Variants in CAT observed in about 807,000 individuals in gnomAD.
The protein encoded by CAT is epididymis secretory sperm binding protein.
CAT carries 43 observed loss-of-function variants against 59.0 expected under a neutral mutation model. That is an observed-to-expected ratio of 0.73 (90% CI 0.57 to 0.94). The LOEUF is 0.94. CAT is among the 40% of genes least tolerant of loss of function. The probability of loss-of-function intolerance (pLI) is 0.00; values close to 1 mark genes in which losing one functional copy is unlikely to be tolerated. For missense variants in CAT, 664 were observed against 682.9 expected, an observed-to-expected ratio of 0.97 and a Z score of 0.31; for synonymous variants, 218 against 230.9, an observed-to-expected ratio of 0.94 and a Z score of 0.51.
At chr11:34,439,151 G>C in intron 1 of CAT, 72 bp downstream of exon 1, 1 of 1,405,610 alleles carries the variant, frequency 7.1e-7, no homozygotes, top group Non-Finnish European at 9.9e-7. Context: ...GTAAAGGCCC[G>C]GCTTCCCCCG....
intron 8 of CAT, among the ~76,000 whole-genome samples, chr11:34,457,183 G>C (rs1564964076): frequency 7.4e-6 from 1 of 135,714 alleles, no homozygotes; most frequent in Non-Finnish European, 1.6e-5. Context: ...ACCTTGGTAA[G>C]CCTAACTTTA....
Position 34,446,866 on chromosome 11 carries a change from C to T in CAT, c.67-2326C>T, listed in dbSNP as rs561346610. 1.4e-4 allele frequency among the ~76,000 whole-genome samples: 21 copies of T among 152,144 alleles called. No individual in the cohort carries two copies. In the East Asian group the frequency reaches 2.3e-3, roughly 17 times the overall value. On this transcript the variant is annotated intron_variant, in intron 1 of 12. Transcript: ENST00000241052. ...AAGCGATTCTCCTGCCTCAGCCTCC[C>T]GAGTAGCTGGGACTACAGTCACCCC...
intron 9 of CAT, among the ~76,000 whole-genome samples, chr11:34,461,830 C>G (rs1188052652): frequency 1.3e-5 from 2 of 152,170 alleles, no homozygotes; most frequent in Non-Finnish European, 2.9e-5. Flanking sequence ...CTTTGCAGTT[C>G]TGCTGTGGCC....
chr11:34,446,818 C>G (rs190548590), intron 1 of CAT, among the ~76,000 whole-genome samples: 1 of 151,850 alleles, frequency 6.6e-6, no homozygotes, highest in Non-Finnish European at 1.5e-5. Flanking sequence ...CTCAGCTCAC[C>G]GCAACCTCCG....
At chr11:34,463,135 C>G (rs1435422387) in intron 9 of CAT, among the ~76,000 whole-genome samples, 1 of 152,108 alleles carries the variant, frequency 6.6e-6, no homozygotes, top group Admixed American at 6.5e-5. Flanking sequence ...TTGCTCAAAC[C>G]ACTTAATATG....
intron 10 of CAT, among the ~76,000 whole-genome samples, chr11:34,464,734 A>G (rs1298266988): frequency 6.6e-6 from 1 of 151,430 alleles, no homozygotes; most frequent in African/African-American, 2.4e-5. Context: ...TATTTTTACC[A>G]CAGCTTCCTG....
intron 4 of CAT, among the ~76,000 whole-genome samples, chr11:34,452,780 A>G (rs367866042): frequency 1.3e-4 from 20 of 152,040 alleles, no homozygotes; most frequent in African/African-American, 4.8e-4. Flanking sequence ...GCTTGAGCCC[A>G]GGAGGTCAAA....
At chr11:34,452,056 G>C (rs1396834426) in intron 3 of CAT, 21 bp from the exon 4 acceptor site, 1 of 1,613,852 alleles carries the variant, frequency 6.2e-7, no homozygotes, top group East Asian at 2.2e-5. Flanking sequence ...TATGCTTCCT[G>C]TTTCCATTTG....
In CAT at chr11:34,446,682, C is replaced by T. The variant is rs769174758; in HGVS notation, c.67-2510C>T. Among the ~76,000 whole-genome samples, 72 of 152,208 alleles carry T rather than the reference C, an allele frequency of 4.7e-4. 1 individual carries two copies. Among genetic ancestry groups the T allele is most frequent in the Non-Finnish European group, 1.3e-4 (9 of 68,000 alleles). ...GTAAATAACACTCTCATCTGTTTAG[C>T]GTTCCTTTTACTGAGCTTCTTGGTA... On this transcript the variant is annotated intron_variant, in intron 1 of 12. Transcript: ENST00000241052.
intron 1 of CAT, among the ~76,000 whole-genome samples, chr11:34,446,805 G>T (rs185674002): frequency 3.0e-4 from 45 of 151,304 alleles, no homozygotes; most frequent in African/African-American, 1.1e-3. Context: ...GCAATGGCAC[G>T]ATCTCAGCTC....
rs775057325 is a variant in CAT at position 34,471,884 on chromosome 11, A to G, written c.*451A>G. The G allele has an allele frequency of 5.3e-6, 1 of 188,988 alleles. No individual in the cohort carries two copies. Among genetic ancestry groups the G allele is most frequent in the Non-Finnish European group, 1.1e-5 (1 of 88,964 alleles). The allele number at this position is 188,988 out of a possible 1,614,324, so 11.7% of individuals were successfully genotyped here. On this transcript the variant is annotated 3_prime_UTR_variant, in exon 13 of 13. Coordinates refer to ENST00000241052, the MANE Select transcript of CAT (RefSeq NM_001752.4). ...ATAGGAAAAGTACATTTAATACAGC[A>G]GTGTCATCAGAAGATAACTTGAGCA...
intron 4 of CAT, 93 bp downstream of exon 4, chr11:34,452,300 C>A: frequency 2.4e-6 from 3 of 1,241,988 alleles, no homozygotes; most frequent in East Asian, 2.3e-5. Flanking sequence ...GTGGGAAAGG[C>A]AGAAAGAAAA....
intron 8 of CAT, among the ~76,000 whole-genome samples, chr11:34,459,515 C>G (rs921365802): frequency 6.6e-6 from 1 of 152,180 alleles, no homozygotes; most frequent in Admixed American, 6.5e-5. Context: ...ACAGGTGCAG[C>G]CTTTCTTGCT....
Position 34,449,359 on chromosome 11 carries a change from A to T in CAT, c.234A>T (p.Gly78=), listed in dbSNP as rs1247034132. The T allele has an allele frequency of 3.1e-6, 5 of 1,613,774 alleles. No homozygotes were observed. The South Asian group carries it at 5.5e-5, about 18-fold the overall frequency. The change falls in exon 2 of 13, where the codon GGA becomes GGT. Residue 78 remains glycine (G), a synonymous_variant. Coordinates refer to ENST00000241052, the MANE Select transcript of CAT (RefSeq NM_001752.4). ...CTGAGAGAGTTGTGCATGCTAAAGG[A>T]GCAGGTAAGTGCTGTGTTTATTTGC... ...RIPERVVHAK[G]AGAFGYFEVT...
At chr11:34,470,361 A>C (rs563368294) in intron 11 of CAT, among the ~76,000 whole-genome samples, 1 of 152,312 alleles carries the variant, frequency 6.6e-6, no homozygotes, top group Non-Finnish European at 1.5e-5. Flanking sequence ...GGATGTGTGC[A>C]CTAATCCAGA....
At chr11:34,441,762 C>G (rs551784495) in intron 1 of CAT, among the ~76,000 whole-genome samples, 3 of 152,092 alleles carry the variant, frequency 2.0e-5, no homozygotes, top group Admixed American at 6.5e-5. Flanking sequence ...TGACTGCACT[C>G]TAGCCTGGGT....
At position 34,463,964 on chromosome 11, in the gene CAT, T is replaced by C. The variant is rs531075563; in HGVS notation, c.1196-141T>C. The stretch of plus-strand genomic sequence containing the variant: ...TAAATGCGGGAAATTAAAAATAATA[T>C]GTGTGCGTTGTGTTTATATCTGTGT... On this transcript the variant is annotated intron_variant, in intron 9 of 12. Transcript: ENST00000241052. 1.0e-4 allele frequency: 88 copies of C among 852,502 alleles called. No homozygotes were observed. The African/African-American group carries it at 1.3e-3, about 12-fold the overall frequency. 52.8% of individuals were successfully genotyped at this position (852,502 alleles called of 1,614,324 possible).
intron 11 of CAT, 40 bp downstream of exon 11, chr11:34,468,435 A>G: frequency 7.2e-7 from 1 of 1,384,212 alleles, no homozygotes. Context: ...CTGCTGGCTA[A>G]GGAAGACAGT....
chr11:34,457,712 C>T (rs962190828), intron 8 of CAT, among the ~76,000 whole-genome samples: 4 of 152,142 alleles, frequency 2.6e-5, no homozygotes, highest in Admixed American at 2.6e-4. Context: ...TACTTTGGAT[C>T]AGAATCAGTA....
Sources: gnomAD v4.1 joint callset for allele counts (sites outside exome capture counted in the v4.1 genomes callset) on GRCh38, gnomAD v4.1.1 for gene constraint, MANE v1.5 for transcripts, NCBI Gene and HGNC (gene_info 2026-07-23, HGNC 2026-07-21) for gene names.